FBXL17: variants seen among roughly 807,000 people sequenced by gnomAD.
FBXL17 encodes the protein F-box and leucine rich repeat protein 17, also known as F-box/LRR-repeat protein 17.
Under a neutral mutation model 66.2 loss-of-function variants are expected in FBXL17, and 22 were observed. That is an observed-to-expected ratio of 0.33 (90% CI 0.24 to 0.47). The LOEUF is 0.47. FBXL17 is among the 20% of genes least tolerant of loss of function. The pLI is 1.00. For missense variants in FBXL17, 878 were observed against 948.2 expected (o/e 0.93, Z 0.97); for synonymous variants, 474 against 400.5 (o/e 1.18, Z -2.19).
intron 6 of FBXL17, among the ~76,000 whole-genome samples, chr5:108,152,396 T>G (rs536476183): frequency 1.3e-5 from 2 of 152,292 alleles, no homozygotes; most frequent in South Asian, 2.1e-4. Context: ...TCTTTCTATA[T>G]AGTCAATTTT....
chr5:108,304,806 A>G (rs1458136585), intron 4 of FBXL17, among the ~76,000 whole-genome samples: 1 of 151,932 alleles, frequency 6.6e-6, no homozygotes, highest in Admixed American at 6.6e-5. Context: ...AGCCTTGTAC[A>G]TACTTGATTA....
At chr5:108,158,693 A>G (rs745889623) in intron 6 of FBXL17, among the ~76,000 whole-genome samples, 13 of 152,300 alleles carry the variant, frequency 8.5e-5, no homozygotes, top group Non-Finnish European at 1.5e-4. Context: ...CCTAAAATCA[A>G]TTCATCCAAA....
chr5:108,217,734 C>A (rs777488777), intron 5 of FBXL17, among the ~76,000 whole-genome samples: 2 of 152,066 alleles, frequency 1.3e-5, no homozygotes, highest in Non-Finnish European at 2.9e-5. Flanking sequence ...ACTCTTGCTG[C>A]CTAACTGAAA....
chr5:108,244,344 T>C (rs1264974775), intron 4 of FBXL17, among the ~76,000 whole-genome samples: 2 of 152,174 alleles, frequency 1.3e-5, no homozygotes, highest in Non-Finnish European at 2.9e-5. Flanking sequence ...TAAGTTTATA[T>C]AACCCTATGA....
chr5:108,163,836 T>C (rs1479108453), intron 6 of FBXL17, among the ~76,000 whole-genome samples: 3 of 152,366 alleles, frequency 2.0e-5, no homozygotes, highest in Non-Finnish European at 2.9e-5. Context: ...GTTTTACTTA[T>C]AGTTTTGAAA....
chr5:107,978,017 T>C (rs1323604667), intron 7 of FBXL17, among the ~76,000 whole-genome samples: 2 of 152,186 alleles, frequency 1.3e-5, no homozygotes, highest in Admixed American at 1.3e-4. Context: ...GAATCACCTG[T>C]AGGGCTTGTT....
At chr5:108,306,556 T>C (rs1484977250) in intron 4 of FBXL17, among the ~76,000 whole-genome samples, 1 of 152,068 alleles carries the variant, frequency 6.6e-6, no homozygotes, top group Non-Finnish European at 1.5e-5. Context: ...CTAGACAAAA[T>C]ATTTAAAGTG....
rs1750007770 is a variant in FBXL17 at position 108,381,992 on chromosome 5, C to G, written c.-301G>C. On this transcript the variant is annotated 5_prime_UTR_variant, in exon 1 of 9. Transcript: ENST00000542267. ...CTGCCGGCTAGGCGACCAGTCCGGG[C>G]CCGGCCAGCCGGCTCAGTCAGTCAG... The G allele has an allele frequency of 8.5e-7, 1 of 1,176,030 alleles. No individual in the cohort carries two copies. Among genetic ancestry groups the G allele is most frequent in the Non-Finnish European group, 1.1e-6 (1 of 949,884 alleles). The allele number at this position is 1,176,030 out of a possible 1,614,324, so 72.8% of individuals were successfully genotyped here.
chr5:108,232,853 C>A (rs1439922683), intron 4 of FBXL17, among the ~76,000 whole-genome samples: 1 of 140,870 alleles, frequency 7.1e-6, no homozygotes, highest in East Asian at 2.0e-4. Flanking sequence ...ACTAACACAA[C>A]AGTTTATTCA....
intron 6 of FBXL17, among the ~76,000 whole-genome samples, chr5:108,057,427 G>A (rs1747751305): frequency 6.6e-6 from 1 of 152,086 alleles, no homozygotes. Context: ...TAGTTTTTAA[G>A]CCTCTCAAAA....
At chr5:108,160,812 C>T (rs1173529303) in intron 6 of FBXL17, among the ~76,000 whole-genome samples, 4 of 152,116 alleles carry the variant, frequency 2.6e-5, no homozygotes, top group Non-Finnish European at 1.5e-5. Context: ...TGCACATGCA[C>T]CTTTTTTGGG....
At chr5:108,013,582 G>T (rs1246494829) in intron 7 of FBXL17, among the ~76,000 whole-genome samples, 1 of 152,062 alleles carries the variant, frequency 6.6e-6, no homozygotes, top group Non-Finnish European at 1.5e-5. Flanking sequence ...ACATGTCATA[G>T]GCAGAAAATT....
chr5:108,005,171 T>C (rs1753878184), intron 7 of FBXL17, among the ~76,000 whole-genome samples: 1 of 152,090 alleles, frequency 6.6e-6, no homozygotes, highest in South Asian at 2.1e-4. Flanking sequence ...TGGGTGATTT[T>C]GCTGCCTCGT....
At chr5:108,346,266 G>A (rs985650292) in intron 4 of FBXL17, among the ~76,000 whole-genome samples, 1 of 151,958 alleles carries the variant, frequency 6.6e-6, no homozygotes, top group Non-Finnish European at 1.5e-5. Flanking sequence ...GGGAAGAACT[G>A]TAGTGAATTA....
chr5:108,338,012 T>A (rs937383983), intron 4 of FBXL17, among the ~76,000 whole-genome samples: 44 of 152,062 alleles, frequency 2.9e-4, no homozygotes, highest in Non-Finnish European at 2.5e-4. Context: ...CAATTATATA[T>A]GATAAACAGA....
intron 5 of FBXL17, among the ~76,000 whole-genome samples, chr5:108,200,904 A>G (rs1753867248): frequency 6.6e-6 from 1 of 152,174 alleles, no homozygotes; most frequent in Non-Finnish European, 1.5e-5. Flanking sequence ...ATTGGACTCT[A>G]TTACTGGGCA....
At chr5:108,084,155 T>C (rs1748880743) in intron 6 of FBXL17, among the ~76,000 whole-genome samples, 1 of 152,196 alleles carries the variant, frequency 6.6e-6, no homozygotes, top group Non-Finnish European at 1.5e-5. Context: ...TTTGAAACGC[T>C]AGAGTGCCTT....
chr5:108,003,157 TG>T, intron 7 of FBXL17, among the ~76,000 whole-genome samples: 1 of 152,224 alleles, frequency 6.6e-6, no homozygotes, highest in Non-Finnish European at 1.5e-5. Flanking sequence ...TGTGGCCTTT[TG>T]AATTTAATGG....
chr5:108,381,812 A>C lies in FBXL17; in HGVS notation c.-121T>G. The C allele has an allele frequency of 7.5e-7, 1 of 1,335,244 alleles. No homozygotes were observed. Among genetic ancestry groups the C allele is most frequent in the Non-Finnish European group, 9.6e-7 (1 of 1,046,000 alleles). 82.7% of individuals were successfully genotyped at this position (1,335,244 alleles called of 1,614,324 possible). A position where few individuals can be genotyped will look rare whatever the true frequency, so the allele number is the denominator to read the frequency against. On this transcript the variant is annotated 5_prime_UTR_variant, in exon 1 of 9. Coordinates refer to ENST00000542267, the MANE Select transcript of FBXL17 (RefSeq NM_001163315.3). Reference sequence around the variant, plus strand: ...CCCGGAGGGGTCGCCCTTCCTGCGCACACACACGCACACACGGGCACACAC... The same window carrying C: ...CCCGGAGGGGTCGCCCTTCCTGCGCCCACACACGCACACACGGGCACACAC...
Sources: allele counts gnomAD v4.1 joint callset (sites outside exome capture counted in the v4.1 genomes callset), GRCh38; gene constraint gnomAD v4.1.1; transcripts MANE v1.5; gene names NCBI Gene and HGNC (gene_info 2026-07-23, HGNC 2026-07-21).